NLRC5: variants seen among roughly 807,000 people sequenced by gnomAD.
The protein encoded by NLRC5 is NLR family CARD domain containing 5.
In NLRC5, 114 loss-of-function variants were observed where a neutral mutation model predicts 206.9. The ratio of observed to expected loss-of-function variants is 0.55; its 90% confidence interval spans 0.47 to 0.64. The LOEUF is 0.64. NLRC5 is among the 30% of genes least tolerant of loss of function. The pLI, the probability that NLRC5 is intolerant of heterozygous loss-of-function variation, is 0.00. For missense variants in NLRC5, 2,008 were observed against 2,305.5 expected (o/e 0.87, Z 2.64); for synonymous variants, 952 against 962.8 (o/e 0.99, Z 0.21).
rs1418258006 is a variant in NLRC5 at position 57,062,985 on chromosome 16, A to G, written c.4154+1284A>G. On this transcript the variant is annotated intron_variant, in intron 32 of 48. Coordinates refer to ENST00000688547, the MANE Select transcript of NLRC5 (RefSeq NM_001384950.1). ...AATTGGACTGCTCTAAATAGTTTATATGAGTGGAGTCATTTGTATTTGTCT... is the reference window on the plus strand; with the variant it reads ...AATTGGACTGCTCTAAATAGTTTATGTGAGTGGAGTCATTTGTATTTGTCT... Among the ~76,000 whole-genome samples the G allele has an allele frequency of 4.6e-5, 7 of 151,266 alleles. No individual in the cohort carries two copies. The East Asian group carries it at 1.2e-3, about 25-fold the overall frequency.
chr16:57,051,241 T>G (rs1448805876), intron 23 of NLRC5, among the ~76,000 whole-genome samples: 1 of 152,226 alleles, frequency 6.6e-6, no homozygotes, highest in Non-Finnish European at 1.5e-5. Flanking sequence ...CCATTTAGTT[T>G]GGGGAAAAGT....
intron 25 of NLRC5, 75 bp from the exon 26 acceptor site, chr16:57,054,957 G>A (rs1464347841): frequency 6.3e-7 from 1 of 1,597,536 alleles, no homozygotes; most frequent in Non-Finnish European, 8.6e-7. Context: ...GGCTTCCGGA[G>A]GAGGGGTGCT....
chr16:57,045,207 C>T (rs1185923350), intron 20 of NLRC5: 20 of 509,216 alleles, frequency 3.9e-5, no homozygotes, highest in Admixed American at 2.8e-4. Flanking sequence ...ACCCTTTCTT[C>T]GAAACAACAA....
chr16:57,020,886 C>A lies in NLRC5; in HGVS notation c.174C>A (p.Leu58=). Residue 58 remains leucine, a synonymous_variant, in exon 3 of 49, where the codon CTC becomes CTA. Coordinates refer to ENST00000688547, the MANE Select transcript of NLRC5 (RefSeq NM_001384950.1). ...LDPEQRVILQ[L]NKLHVQGSDT... is the part of the protein sequence containing the mutation. ...CTGAACAGAGAGTCATCCTGCAACT[C>A]AACAAGCTGCATGTCCAGGGTTCGG... is the stretch of plus-strand genomic sequence containing the variant. 6.2e-7 allele frequency: 1 copy of A among 1,613,896 alleles called. No individual in the cohort carries two copies. The highest frequency in any genetic ancestry group is 8.5e-7 in the Non-Finnish European group (1 of 1,179,970).
At chr16:57,067,683 C>T in intron 35 of NLRC5, 53 bp from the exon 36 acceptor site, 1 of 1,556,968 alleles carries the variant, frequency 6.4e-7, no homozygotes, top group Non-Finnish European at 8.9e-7. Context: ...ATGTGATGAC[C>T]TCTGAGGTGT....
At chr16:57,045,261 T>A (rs754711305) in intron 20 of NLRC5, 187 bp from the exon 21 acceptor site, 62 of 597,758 alleles carry the variant, frequency 1.0e-4, no homozygotes, top group Non-Finnish European at 1.6e-4. Flanking sequence ...GAGAATCAAA[T>A]GAGAAATGTC....
rs983956167 is a variant in NLRC5, at chr16:57,062,022, G to A, written c.4154+321G>A. The A allele has an allele frequency of 3.6e-5, 51 of 1,411,926 alleles. No homozygotes were observed. In the African/African-American group the frequency reaches 6.9e-4, roughly 19 times the overall value. 87.5% of individuals were successfully genotyped at this position (1,411,926 alleles called of 1,614,324 possible). ...AAGTTCTTGTCTGTCTGTTCACTAT[G>A]ATCATTTTAAAACACTCAGAAAAAG... On this transcript the variant is annotated intron_variant, in intron 32 of 48. Transcript: ENST00000688547.
rs565453850 is a variant in NLRC5, at chr16:57,051,388, C to T, written c.3423-150C>T. The T allele has an allele frequency of 1.0e-4, 68 of 662,016 alleles. No individual in the cohort carries two copies. The African/African-American group carries it at 1.1e-3, about 11-fold the overall frequency. 41.0% of individuals were successfully genotyped at this position (662,016 alleles called of 1,614,324 possible). A position where few individuals can be genotyped will look rare whatever the true frequency, so the allele number is the denominator to read the frequency against. ...TAAAAGACCTTCCTCTTCTTCCAGC[C>T]TCACGGATAACCCATGGACCCAGTG... is the stretch of plus-strand genomic sequence containing the variant. On this transcript the variant is annotated intron_variant, in intron 23 of 48. Transcript: ENST00000688547.
rs553191392 is a variant in NLRC5, at chr16:57,076,523, TAG to T, written c.4752-292_4752-291del. 1.2e-4 allele frequency among the ~76,000 whole-genome samples: 18 copies of T among 152,364 alleles called. No homozygotes were observed. In the South Asian group the frequency reaches 3.3e-3, roughly 28 times the overall value. ...TGAGGTGAAGCTTGGCAAAGAAATG[TAG>T]AGACTCCTCCTGGGCCAGGGGCTCT... is the stretch of plus-strand genomic sequence containing the variant. On this transcript the variant is annotated intron_variant, in intron 39 of 48. Coordinates refer to ENST00000688547, the MANE Select transcript of NLRC5 (RefSeq NM_001384950.1).
chr16:57,034,056 G>A, intron 12 of NLRC5, 112 bp from the exon 13 acceptor site: 2 of 798,856 alleles, frequency 2.5e-6, no homozygotes, highest in Non-Finnish European at 4.1e-6. Flanking sequence ...GGTGTGGCTA[G>A]GATTAGACCC....
chr16:57,074,551 C>G, intron 38 of NLRC5, 49 bp from the exon 39 acceptor site: 1 of 1,556,304 alleles, frequency 6.4e-7, no homozygotes, highest in South Asian at 1.1e-5. Context: ...CCAGACTGGA[C>G]AGTGCCCCAC....
chr16:57,035,214 CA>C (rs2143170271), intron 13 of NLRC5, among the ~76,000 whole-genome samples: 1 of 152,218 alleles, frequency 6.6e-6, no homozygotes, highest in South Asian at 2.1e-4. Flanking sequence ...TGGTAGCGCT[CA>C]AAACTATCCT....
chr16:57,045,177 A>G, intron 20 of NLRC5: 1 of 428,436 alleles, frequency 2.3e-6, no homozygotes, highest in Non-Finnish European at 4.4e-6. Context: ...ACTGCACACC[A>G]GCCTGGGCGA....
At chr16:57,034,125 G>T in intron 12 of NLRC5, 43 bp from the exon 13 acceptor site, 1 of 1,548,668 alleles carries the variant, frequency 6.5e-7, no homozygotes, top group African/African-American at 1.4e-5. Context: ...ATGGAGTAGG[G>T]GCTGTTTGCC....
chr16:56,996,176 C>CT (rs1266746313), intron 1 of NLRC5, among the ~76,000 whole-genome samples: 5 of 151,286 alleles, frequency 3.3e-5, no homozygotes, highest in East Asian at 1.9e-4. Flanking sequence ...TTCTTTCTTT[C>CT]TTTTTTTTTC....
At chr16:56,995,502 C>T (rs1454508282) in intron 1 of NLRC5, among the ~76,000 whole-genome samples, 1 of 152,156 alleles carries the variant, frequency 6.6e-6, no homozygotes, top group Non-Finnish European at 1.5e-5. Flanking sequence ...TGTTTGAAAC[C>T]GTGTTGTCAA....
At chr16:57,028,006 G>T (rs1351604209) in intron 6 of NLRC5, 66 bp from the exon 7 acceptor site, 18 of 1,075,846 alleles carry the variant, frequency 1.7e-5, no homozygotes, top group Non-Finnish European at 2.1e-5. Context: ...TCTCTGAGGG[G>T]ATGGCGATGA....
chr16:57,077,125 C>T (rs898514481), intron 40 of NLRC5, among the ~76,000 whole-genome samples, 171 bp from the exon 41 acceptor site: 6 of 152,212 alleles, frequency 3.9e-5, no homozygotes, highest in Non-Finnish European at 8.8e-5. Context: ...ATGGGGAGAA[C>T]ATCCTAAACA....
intron 38 of NLRC5, among the ~76,000 whole-genome samples, chr16:57,073,113 A>G (rs2067974773): frequency 6.6e-6 from 1 of 152,144 alleles, no homozygotes; most frequent in African/African-American, 2.4e-5. Context: ...CATTCGACAA[A>G]TATGTACTGA....
Sources: gnomAD v4.1 joint callset for allele counts (sites outside exome capture counted in the v4.1 genomes callset) on GRCh38, gnomAD v4.1.1 for gene constraint, MANE v1.5 for transcripts, NCBI Gene and HGNC (gene_info 2026-07-23, HGNC 2026-07-21) for gene names.